The following FRMPD4 variants were observed in gnomAD, a reference collection of about 807,000 sequenced individuals.
FRMPD4 encodes the protein FERM and PDZ domain containing 4.
A neutral mutation model predicts 94.1 loss-of-function variants in FRMPD4; 22 were observed. The ratio of observed to expected loss-of-function variants is 0.23; its 90% confidence interval spans 0.17 to 0.33. The LOEUF is 0.33. Among genes scored for constraint, FRMPD4 ranks in the 10% least tolerant of loss-of-function variants. The pLI, the probability that FRMPD4 is intolerant of heterozygous loss-of-function variation, is 1.00. For missense variants in FRMPD4, 1,111 were observed against 1,339.9 expected (o/e 0.83, Z 2.67); for synonymous variants, 631 against 548.6 (o/e 1.15, Z -2.10).
At chrX:12,163,462 TAAAAAAAAAAAA>T (rs201319402) in intron 1 of FRMPD4, among the ~76,000 whole-genome samples, 1 of 67,640 alleles carries the variant, frequency 1.5e-5, no homozygotes, top group African/African-American at 5.6e-5. Context: ...TGACCCTTTG[TAAAAAAAAAAAA>T]AAAAAAAAAA....
chrX:12,084,325 G>A (rs1457751744), intron 3 of FRMPD4, among the ~76,000 whole-genome samples: 1 of 111,151 alleles, frequency 9.0e-6, no homozygotes, highest in Non-Finnish European at 1.9e-5. Flanking sequence ...CATGTAAGAA[G>A]TGCCTTTTGC....
chrX:11,974,031 G>C (rs2054354316), intron 3 of FRMPD4, among the ~76,000 whole-genome samples: 1 of 111,721 alleles, frequency 9.0e-6, no homozygotes, highest in African/African-American at 3.3e-5. Flanking sequence ...TGGAGTGAGT[G>C]GTTTCGAGTG....
At chrX:12,014,605 A>AT in intron 3 of FRMPD4, among the ~76,000 whole-genome samples, 1 of 111,561 alleles carries the variant, frequency 9.0e-6, no homozygotes, top group Non-Finnish European at 1.9e-5. Context: ...AAAAGATAGT[A>AT]TTTTTCCATT....
chrX:12,648,474 C>T (rs961860528), intron 4 of FRMPD4, among the ~76,000 whole-genome samples: 1 of 111,732 alleles, frequency 8.9e-6, no homozygotes, highest in African/African-American at 3.3e-5. Flanking sequence ...GAGTCACTCT[C>T]TTCTTGTTCT....
At chrX:12,679,822 G>C (rs1453535244) in intron 5 of FRMPD4, among the ~76,000 whole-genome samples, 3 of 111,402 alleles carry the variant, frequency 2.7e-5, no homozygotes, top group African/African-American at 6.5e-5. Flanking sequence ...TGGTGCCTTA[G>C]TAACAGCGAA....
chrX:12,070,756 G>C (rs1487461013), intron 3 of FRMPD4, among the ~76,000 whole-genome samples: 1 of 111,950 alleles, frequency 8.9e-6, no homozygotes. Flanking sequence ...ATGGCCCTTT[G>C]GGACAAAAGT....
chrX:12,596,859 T>A (rs573282636), intron 2 of FRMPD4, among the ~76,000 whole-genome samples: 1 of 112,251 alleles, frequency 8.9e-6, no homozygotes, highest in African/African-American at 3.2e-5. Flanking sequence ...TCACAGTGGC[T>A]TACACTCATG....
intron 3 of FRMPD4, among the ~76,000 whole-genome samples, chrX:11,944,787 G>A (rs1025114952): frequency 2.7e-5 from 3 of 111,174 alleles, no homozygotes; most frequent in African/African-American, 9.8e-5. Context: ...ATATAAGCCA[G>A]GAGTAGCAGC....
chrX:12,350,315 T>G, intron 1 of FRMPD4, among the ~76,000 whole-genome samples: 1 of 111,902 alleles, frequency 8.9e-6, no homozygotes, highest in Non-Finnish European at 1.9e-5. Flanking sequence ...TTTTCATAAT[T>G]TAAACACGAG....
At chrX:11,996,975 A>G (rs916408544) in intron 3 of FRMPD4, among the ~76,000 whole-genome samples, 2 of 111,694 alleles carry the variant, frequency 1.8e-5, no homozygotes, top group African/African-American at 6.5e-5. Flanking sequence ...TACATGGCTT[A>G]AAATGAAGCA....
intron 1 of FRMPD4, among the ~76,000 whole-genome samples, chrX:12,453,684 A>G (rs2057299385): frequency 8.9e-6 from 1 of 111,869 alleles, no homozygotes; most frequent in African/African-American, 3.2e-5. Flanking sequence ...ATTTATAACC[A>G]TCACGTATTA....
chrX:11,918,876 C>T (rs998961317), intron 3 of FRMPD4, among the ~76,000 whole-genome samples: 6 of 112,082 alleles, frequency 5.4e-5, no homozygotes, highest in Admixed American at 1.9e-4. Flanking sequence ...GAAACTGAGA[C>T]GGCAGCCAAG....
At chrX:12,626,324 C>A (rs866177092) in intron 4 of FRMPD4, among the ~76,000 whole-genome samples, 504 of 73,734 alleles carry the variant, frequency 6.8e-3, no homozygotes, top group Non-Finnish European at 7.7e-3. Flanking sequence ...GATCCTGTCT[C>A]AAAAAAAAAA....
chrX:12,226,290 A>G (rs1303547164), intron 1 of FRMPD4, among the ~76,000 whole-genome samples: 1 of 110,904 alleles, frequency 9.0e-6, no homozygotes, highest in African/African-American at 3.3e-5. Flanking sequence ...TTTAAATCAC[A>G]GAAAGCTTAG....
intron 1 of FRMPD4, among the ~76,000 whole-genome samples, chrX:12,481,785 CA>C (rs994172330): frequency 9.6e-6 from 1 of 103,932 alleles, no homozygotes. Context: ...ACTAAAAATA[CA>C]AAAAAATTGA....
intron 4 of FRMPD4, among the ~76,000 whole-genome samples, chrX:12,648,029 G>A (rs2059563546): frequency 9.0e-6 from 1 of 111,208 alleles, no homozygotes; most frequent in Non-Finnish European, 1.9e-5. Flanking sequence ...TCAACTCCAA[G>A]TGCCTTCTTG....
chrX:12,065,981 G>C (rs960350964), intron 3 of FRMPD4, among the ~76,000 whole-genome samples: 2 of 111,312 alleles, frequency 1.8e-5, no homozygotes, highest in Non-Finnish European at 3.8e-5. Context: ...CCTCCTCTGG[G>C]AACTATATCA....
At chrX:12,276,115 CACAA>C (rs946567733) in intron 1 of FRMPD4, among the ~76,000 whole-genome samples, 2 of 112,119 alleles carry the variant, frequency 1.8e-5, no homozygotes, top group Non-Finnish European at 3.8e-5. Context: ...TTTATTTGAC[CACAA>C]ACAAATTTTC....
intron 1 of FRMPD4, among the ~76,000 whole-genome samples, chrX:11,851,326 A>G (rs755367562): frequency 1.8e-5 from 2 of 111,642 alleles, no homozygotes; most frequent in Admixed American, 1.9e-4. Context: ...TCTGTCTCCA[A>G]TGATTTTCAA....
Sources: gnomAD v4.1 joint callset for allele counts (sites outside exome capture counted in the v4.1 genomes callset) on GRCh38, gnomAD v4.1.1 for gene constraint, MANE v1.5 for transcripts, NCBI Gene and HGNC (gene_info 2026-07-23, HGNC 2026-07-21) for gene names.